CRLS1: variants seen among roughly 807,000 people sequenced by gnomAD.
CRLS1 encodes the protein cardiolipin synthase 1, also known as cardiolipin synthase (CMP-forming).
In CRLS1, 24 loss-of-function variants were observed where a neutral mutation model predicts 37.0. The observed-to-expected ratio is 0.65, with a 90% confidence interval of 0.47 to 0.91. CRLS1 has a LOEUF of 0.91. Ranked by LOEUF, CRLS1 falls within the 40% of genes least tolerant of loss-of-function variation. The pLI is 0.00. For synonymous variants in CRLS1, 135 were observed against 159.7 expected, an observed-to-expected ratio of 0.85 and a Z score of 1.17; for missense variants, 373 against 395.8, an observed-to-expected ratio of 0.94 and a Z score of 0.49.
At chr20:6,014,891 C>T (rs1054198085) in intron 2 of CRLS1, among the ~76,000 whole-genome samples, 5 of 152,096 alleles carry the variant, frequency 3.3e-5, no homozygotes, top group African/African-American at 1.2e-4. Flanking sequence ...AATGCAGATA[C>T]AGTCAGAGTA....
Position 6,014,403 on chromosome 20 carries a change from TC to T in CRLS1, c.445-957del, listed in dbSNP as rs1461881682. Among the ~76,000 whole-genome samples the T allele has an allele frequency of 2.0e-5, 3 of 152,252 alleles. No homozygotes were observed. In the East Asian group the frequency reaches 5.8e-4, roughly 29 times the overall value. On this transcript the variant is annotated intron_variant, in intron 2 of 6. Transcript: ENST00000378863. Reference sequence around the variant, plus strand: ...CTTGAGATATGGACAACTTACTTGTTCTTTAAAATGAACCATGATTAATTGC... The same window carrying T: ...CTTGAGATATGGACAACTTACTTGTTTTTAAAATGAACCATGATTAATTGC...
intron 1 of CRLS1, chr20:6,006,840 C>T: frequency 1.0e-6 from 1 of 983,246 alleles, no homozygotes; most frequent in Non-Finnish European, 1.2e-6. Context: ...TAAAGGTAGC[C>T]TTCGCTTGTC....
chr20:6,026,642 T>C (rs927374558), intron 3 of CRLS1, among the ~76,000 whole-genome samples: 12 of 152,188 alleles, frequency 7.9e-5, no homozygotes, highest in African/African-American at 2.4e-4. Context: ...GGCTGCTAAC[T>C]TATATTTGAA....
chr20:6,009,978 A>G (rs1395452840), intron 2 of CRLS1, 66 bp downstream of exon 2: 1 of 1,506,848 alleles, frequency 6.6e-7, no homozygotes, highest in East Asian at 2.3e-5. Context: ...CTAAACCGAA[A>G]TAGCATAGCC....
At position 6,006,401 on chromosome 20, in the gene CRLS1, G is replaced by C; in HGVS notation, c.155G>C (p.Arg52Pro). 1 of 1,408,260 alleles carries C rather than the reference G, an allele frequency of 7.1e-7. No homozygotes were observed. The highest frequency in any genetic ancestry group is 1.5e-5 in the South Asian group (1 of 66,750). The allele number at this position is 1,408,260 out of a possible 1,614,324, so 87.2% of individuals were successfully genotyped here. The change falls in exon 1 of 7, where the codon CGT (arginine) becomes CCT (proline). Residue 52 changes from arginine (R) to proline (P), a missense_variant. By Grantham distance (103) the Arg-to-Pro change is moderately radical. Transcript: ENST00000378863. ...TGCCTGGCCGAACGCTGGAGGCTGC[G>C]TCCGGCCGCTCTTGGCTTGCGGCTG... ...LGCLAERWRLRPAALGLRLPG... is the reference protein window; with the variant it reads ...LGCLAERWRLPPAALGLRLPG...
In CRLS1 at chr20:6,037,266, A is replaced by G. The variant is rs1005540698; in HGVS notation, c.*108A>G. 2.7e-5 allele frequency: 17 copies of G among 620,424 alleles called. No homozygotes were observed. In the African/African-American group the frequency reaches 3.0e-4, roughly 11 times the overall value. The allele number at this position is 620,424 out of a possible 1,614,324, so 38.4% of individuals were successfully genotyped here. ...ATTTTGGTGTTCAGCTTGAAAAAGGACTTGTCAGAATCAACTGTGTCATCA... is the reference window on the plus strand; with the variant it reads ...ATTTTGGTGTTCAGCTTGAAAAAGGGCTTGTCAGAATCAACTGTGTCATCA... On this transcript the variant is annotated 3_prime_UTR_variant, in exon 7 of 7. Coordinates refer to ENST00000378863, the MANE Select transcript of CRLS1 (RefSeq NM_019095.6).
chr20:6,019,512 C>CTTTTTTTTTTTT (rs10610960), intron 3 of CRLS1, among the ~76,000 whole-genome samples: 2 of 118,488 alleles, frequency 1.7e-5, no homozygotes, highest in Middle Eastern at 4.4e-3. Flanking sequence ...TTTTTTGTCC[C>CTTTTTTTTTTTT]TTTTTTTTTT....
Position 6,015,348 on chromosome 20 carries a change from C to T in CRLS1, c.445-13C>T. 1 of 1,534,574 alleles carries T rather than the reference C, an allele frequency of 6.5e-7. No individual in the cohort carries two copies. On this transcript the variant is annotated splice_polypyrimidine_tract_variant and intron_variant, in intron 2 of 6. Coordinates refer to ENST00000378863, the MANE Select transcript of CRLS1 (RefSeq NM_019095.6). Reference sequence around the variant, plus strand: ...TGACATTTATATATATAAAAAAAAACTTCTATTTTCAGTTGGATGGATTTA... The same window carrying T: ...TGACATTTATATATATAAAAAAAAATTTCTATTTTCAGTTGGATGGATTTA...
At chr20:6,031,941 T>C in intron 4 of CRLS1, 71 bp from the exon 5 acceptor site, 1 of 1,135,134 alleles carries the variant, frequency 8.8e-7, no homozygotes, top group Non-Finnish European at 1.3e-6. Flanking sequence ...AATAACAAAA[T>C]GTCTATTTTA....
intron 2 of CRLS1, among the ~76,000 whole-genome samples, chr20:6,013,977 G>A (rs908659670): frequency 6.6e-6 from 1 of 152,180 alleles, no homozygotes; most frequent in African/African-American, 2.4e-5. Flanking sequence ...GAAAGGTTAA[G>A]TTCCCTGAGG....
chr20:6,013,116 A>G (rs1229853095), intron 2 of CRLS1, among the ~76,000 whole-genome samples: 1 of 152,020 alleles, frequency 6.6e-6, no homozygotes, highest in Non-Finnish European at 1.5e-5. Context: ...AAAAAGATAT[A>G]TACTGGGGAA....
Position 6,039,855 on chromosome 20 carries a change from T to C in CRLS1, c.*2697T>C, listed in dbSNP as rs939849497. 1.3e-5 allele frequency: 2 copies of C among 151,854 alleles called. No homozygotes were observed. Among genetic ancestry groups the C allele is most frequent in the African/African-American group, 4.8e-5 (2 of 41,314 alleles). The allele number at this position is 151,854 out of a possible 1,614,324, so 9.4% of individuals were successfully genotyped here. On this transcript the variant is annotated 3_prime_UTR_variant, in exon 7 of 7. Coordinates refer to ENST00000378863, the MANE Select transcript of CRLS1 (RefSeq NM_019095.6). ...GAATACTGAGGATTGCTGCCAACCA[T>C]CCGAAGCTGGGAGAGGAGATGGAAC...
intron 3 of CRLS1, among the ~76,000 whole-genome samples, chr20:6,029,088 A>C (rs1228591734): frequency 6.6e-6 from 1 of 151,772 alleles, no homozygotes; most frequent in Non-Finnish European, 1.5e-5. Context: ...GCTTTTACTG[A>C]GCTCTCTCAA....
chr20:6,024,031 C>T (rs775520073), intron 3 of CRLS1, among the ~76,000 whole-genome samples: 15 of 152,028 alleles, frequency 9.9e-5, no homozygotes, highest in South Asian at 2.1e-4. Flanking sequence ...TGCCTCACTG[C>T]GGCCTTGACC....
At chr20:6,020,169 A>G (rs1274478032) in intron 3 of CRLS1, among the ~76,000 whole-genome samples, 1 of 152,206 alleles carries the variant, frequency 6.6e-6, no homozygotes, top group Non-Finnish European at 1.5e-5. Context: ...ATACGCCTTC[A>G]TAGTCTAGTG....
At chr20:6,017,940 G>A (rs571634434) in intron 3 of CRLS1, among the ~76,000 whole-genome samples, 11 of 152,052 alleles carry the variant, frequency 7.2e-5, no homozygotes, top group African/African-American at 2.4e-4. Flanking sequence ...TTTTCTGGCC[G>A]GGCACAATGG....
chr20:6,008,925 T>C (rs2090095452), intron 1 of CRLS1, among the ~76,000 whole-genome samples: 3 of 152,234 alleles, frequency 2.0e-5, no homozygotes, highest in Admixed American at 2.0e-4. Context: ...GTTTCACCTT[T>C]AAAAGCAGAG....
chr20:6,029,285 C>T (rs1979960090), intron 3 of CRLS1, among the ~76,000 whole-genome samples: 1 of 151,980 alleles, frequency 6.6e-6, no homozygotes, highest in Non-Finnish European at 1.5e-5. Context: ...GCCTACATTC[C>T]TGGTTAAATG....
chr20:6,024,023 C>T (rs1220418575), intron 3 of CRLS1, among the ~76,000 whole-genome samples: 1 of 151,878 alleles, frequency 6.6e-6, no homozygotes, highest in East Asian at 1.9e-4. Context: ...TGTAATTATG[C>T]CTCACTGCGG....
Sources: allele counts gnomAD v4.1 joint callset (sites outside exome capture counted in the v4.1 genomes callset), GRCh38; gene constraint gnomAD v4.1.1; transcripts MANE v1.5; gene names NCBI Gene and HGNC (gene_info 2026-07-23, HGNC 2026-07-21).